Variants in TTC21B observed in about 807,000 individuals in gnomAD.
The protein encoded by TTC21B is tetratricopeptide repeat domain 21B.
In TTC21B, 127 loss-of-function variants were observed where a neutral mutation model predicts 175.1. The observed-to-expected ratio is 0.73, with a 90% CI of 0.63 to 0.84. The LOEUF is 0.84. TTC21B is among the 40% of genes least tolerant of loss of function. The pLI is 0.00. For synonymous variants in TTC21B, 524 were observed against 524.5 expected (o/e 1.00, Z 0.01); for missense variants, 1,561 against 1,558.3 (o/e 1.00, Z -0.03).
At chr2:165,879,988 G>C (rs530451193) in intron 27 of TTC21B, 88 of 152,798 alleles carry the variant, frequency 5.8e-4, no homozygotes, top group Non-Finnish European at 1.1e-3. Flanking sequence ...GAGGCATTCT[G>C]TAAGTTGCTC....
At chr2:165,911,966 A>G (rs1685964687) in intron 17 of TTC21B, among the ~76,000 whole-genome samples, 1 of 152,142 alleles carries the variant, frequency 6.6e-6, no homozygotes, top group South Asian at 2.1e-4. Context: ...CACCTGGCCA[A>G]CAACTAACAT....
chr2:165,941,525 G>C (rs1687367880), intron 5 of TTC21B, among the ~76,000 whole-genome samples: 1 of 151,828 alleles, frequency 6.6e-6, no homozygotes, highest in Non-Finnish European at 1.5e-5. Context: ...TTTTCAAGTA[G>C]CATCTAAAAT....
At chr2:165,942,898 T>C (rs1186081494) in intron 5 of TTC21B, among the ~76,000 whole-genome samples, 1 of 152,244 alleles carries the variant, frequency 6.6e-6, no homozygotes, top group Non-Finnish European at 1.5e-5. Flanking sequence ...GGTTTTCTCT[T>C]GCTCAGGGTT....
At chr2:165,912,673 G>A (rs370205286) in intron 16 of TTC21B, 49 bp from the exon 17 acceptor site, 7 of 1,417,266 alleles carry the variant, frequency 4.9e-6, no homozygotes, top group African/African-American at 4.2e-5. Flanking sequence ...AGCATAACTG[G>A]GTCCCATTAA....
intron 19 of TTC21B, among the ~76,000 whole-genome samples, chr2:165,903,527 G>T (rs889681319): frequency 1.1e-4 from 16 of 152,202 alleles, no homozygotes; most frequent in Non-Finnish European, 2.1e-4. Context: ...TGGTGTCACT[G>T]TGAAGAACTG....
At chr2:165,901,989 T>C in intron 19 of TTC21B, 79 bp from the exon 20 acceptor site, 2 of 1,227,802 alleles carry the variant, frequency 1.6e-6, no homozygotes, top group Non-Finnish European at 2.4e-6. Context: ...AGCATAATTT[T>C]ACAGATTTAT....
At chr2:165,914,505 T>A (rs1686070762) in intron 15 of TTC21B, among the ~76,000 whole-genome samples, 1 of 152,124 alleles carries the variant, frequency 6.6e-6, no homozygotes, top group Non-Finnish European at 1.5e-5. Context: ...CTGAGCAGCT[T>A]TTTGAGTTTG....
intron 25 of TTC21B, among the ~76,000 whole-genome samples, chr2:165,887,339 G>T (rs1006858864): frequency 6.6e-6 from 1 of 152,138 alleles, no homozygotes; most frequent in African/African-American, 2.4e-5. Flanking sequence ...ATTACCAACT[G>T]CTGATGGGAG....
At chr2:165,927,146 TTATA>T (rs566900940) in intron 11 of TTC21B, among the ~76,000 whole-genome samples, 4 of 50,324 alleles carry the variant, frequency 7.9e-5, no homozygotes, top group Non-Finnish European at 1.6e-4. Context: ...ATCCTAGTAG[TTATA>T]TATATATATA....
intron 6 of TTC21B, 80 bp downstream of exon 6, chr2:165,940,946 TG>T (rs1182269742): frequency 3.8e-5 from 58 of 1,520,866 alleles, no homozygotes; most frequent in Admixed American, 5.2e-5. Context: ...AAAACCCTTA[TG>T]AAAAAAATTC....
chr2:165,895,194 A>T (rs1172784203), intron 22 of TTC21B, among the ~76,000 whole-genome samples: 1 of 152,146 alleles, frequency 6.6e-6, no homozygotes, highest in East Asian at 1.9e-4. Flanking sequence ...ACCCAAGCAA[A>T]GACTTGGAAG....
At chr2:165,895,847 A>C (rs948729156) in intron 22 of TTC21B, among the ~76,000 whole-genome samples, 1 of 152,182 alleles carries the variant, frequency 6.6e-6, no homozygotes, top group Admixed American at 6.5e-5. Flanking sequence ...TGCCTGTGGT[A>C]GTCCCCATAT....
intron 16 of TTC21B, among the ~76,000 whole-genome samples, chr2:165,913,102 A>C (rs1383822206): frequency 6.6e-6 from 1 of 151,650 alleles, no homozygotes; most frequent in Non-Finnish European, 1.5e-5. Flanking sequence ...GCAGTGGCGC[A>C]ATCTTGGCTC....
intron 11 of TTC21B, chr2:165,928,724 A>G (rs546386197): frequency 5.7e-5 from 10 of 176,918 alleles, no homozygotes; most frequent in African/African-American, 9.7e-5. Flanking sequence ...TTTTTTTTTA[A>G]CCAAAAGCAG....
intron 21 of TTC21B, 45 bp downstream of exon 21, chr2:165,899,725 A>G (rs936145699): frequency 3.0e-6 from 4 of 1,332,130 alleles, no homozygotes; most frequent in African/African-American, 2.9e-5. Context: ...TTTAAAACTT[A>G]TAAAACACAA....
chr2:165,891,210 G>A (rs1037624114), intron 22 of TTC21B, among the ~76,000 whole-genome samples: 1 of 151,830 alleles, frequency 6.6e-6, no homozygotes, highest in Non-Finnish European at 1.5e-5. Context: ...GTCTACATAG[G>A]CAAATCTAGA....
chr2:165,899,595 A>G (rs1685483595), intron 21 of TTC21B, among the ~76,000 whole-genome samples, 175 bp downstream of exon 21: 1 of 152,258 alleles, frequency 6.6e-6, no homozygotes, highest in Non-Finnish European at 1.5e-5. Context: ...CTTATAAATA[A>G]AATCCTAATG....
At chr2:165,932,449 T>C (rs1351294948) in intron 7 of TTC21B, among the ~76,000 whole-genome samples, 3 of 152,132 alleles carry the variant, frequency 2.0e-5, no homozygotes, top group Non-Finnish European at 2.9e-5. Flanking sequence ...ATACTAATAT[T>C]ACTTCCTTCA....
intron 27 of TTC21B, among the ~76,000 whole-genome samples, chr2:165,878,470 T>G (rs1684739379): frequency 6.6e-6 from 1 of 152,080 alleles, no homozygotes; most frequent in Admixed American, 6.6e-5. Context: ...TTGTTCCTAG[T>G]GTGTTTCTTT....
Sources: gnomAD v4.1 joint callset for allele counts (sites outside exome capture counted in the v4.1 genomes callset) on GRCh38, gnomAD v4.1.1 for gene constraint, MANE v1.5 for transcripts, NCBI Gene and HGNC (gene_info 2026-07-23, HGNC 2026-07-21) for gene names.